Variants in SPG7 observed in about 807,000 individuals in gnomAD.
The protein encoded by SPG7 is SPG7 matrix AAA peptidase subunit, paraplegin, also known as mitochondrial inner membrane m-AAA protease component paraplegin.
In SPG7, 103 loss-of-function variants were observed where a neutral mutation model predicts 81.9. The observed-to-expected ratio is 1.26, with a 90% CI of 1.07 to 1.48. The LOEUF (loss-of-function observed/expected upper bound fraction) is 1.48, where lower values mean the gene tolerates loss of function less well. SPG7 is among the 40% of genes most tolerant of loss of function. The pLI is 0.00. For missense variants in SPG7, 1,241 were observed against 1,087.3 expected, an observed-to-expected ratio of 1.14 and a Z score of -1.99; for synonymous variants, 534 against 444.2, an observed-to-expected ratio of 1.20 and a Z score of -2.54.
chr16:89,554,775 G>C, intron 16 of SPG7: 1 of 575,062 alleles, frequency 1.7e-6, no homozygotes, highest in Non-Finnish European at 3.2e-6. Flanking sequence ...GTAGAAAGAA[G>C]GCTGCCACAG....
rs184578696 is a variant in SPG7 at position 89,513,533 on chromosome 16, A to T, written c.376+496A>T. The stretch of plus-strand genomic sequence containing the variant: ...CTCCATCTCAAAAAAAAAAAAATTT[A>T]AATTTAAATTTAAAAAGACCCTATC... On this transcript the variant is annotated intron_variant, in intron 3 of 16. Transcript: ENST00000645818. 1.4e-3 allele frequency among the ~76,000 whole-genome samples: 214 copies of T among 152,050 alleles called. 1 individual carries two copies. The highest frequency in any genetic ancestry group is 4.5e-3 in the African/African-American group (187 of 41,490).
chr16:89,525,401 A>G (rs539066836), intron 4 of SPG7, among the ~76,000 whole-genome samples: 1 of 152,356 alleles, frequency 6.6e-6, no homozygotes, highest in South Asian at 2.1e-4. Flanking sequence ...ATTTTAACCT[A>G]CAACACTATG....
intron 5 of SPG7, among the ~76,000 whole-genome samples, chr16:89,527,575 G>A (rs2058281303): frequency 6.6e-6 from 1 of 152,186 alleles, no homozygotes; most frequent in South Asian, 2.1e-4. Context: ...CTACAGACAG[G>A]AAAATGGAAC....
At chr16:89,509,248 G>C (rs968965060) in intron 1 of SPG7, among the ~76,000 whole-genome samples, 2 of 151,996 alleles carry the variant, frequency 1.3e-5, no homozygotes, top group Non-Finnish European at 2.9e-5. Context: ...ACACCTTTTA[G>C]GTTGTTGTTT....
chr16:89,540,676 G>C (rs1327302735), intron 9 of SPG7: 2 of 156,456 alleles, frequency 1.3e-5, no homozygotes, highest in African/African-American at 2.4e-5. Context: ...GCTGATGGGG[G>C]TGTGACGTGG....
rs1431301688 is a variant in SPG7 at position 89,526,427 on chromosome 16, C to T, written c.717C>T (p.Asp239=). The T allele has an allele frequency of 1.2e-6, 2 of 1,614,208 alleles. No homozygotes were observed. Among genetic ancestry groups the T allele is most frequent in the Middle Eastern group, 1.6e-4 (1 of 6,062 alleles). Residue 239 remains aspartate, a synonymous_variant, in exon 5 of 17, where the codon GAC becomes GAT. Coordinates refer to ENST00000645818, the MANE Select transcript of SPG7 (RefSeq NM_003119.4). ...ATGAGCTGAATATCGAGGCCAAGGA[C>T]AGGATCCCAGTTTCCTACAAGCGAA... ...AEDELNIEAK[D]RIPVSYKRTG...
chr16:89,557,002 C>A lies in SPG7; in HGVS notation c.2297C>A (p.Ala766Asp). 6.2e-7 allele frequency: 1 copy of A among 1,613,848 alleles called. No individual in the cohort carries two copies. The highest frequency in any genetic ancestry group is 1.3e-5 in the African/African-American group (1 of 75,044). ...ATCGCACCGCAGAGGTGGATCGACG[C>A]CCAGAGGGAGAAACAGGACTTGGGC... ...KMIAPQRWID[A>D]QREKQDLGEE... The change falls in exon 17 of 17, where the codon GCC becomes GAC. Residue 766 changes from alanine to aspartate, a missense_variant. Ala to Asp is a moderately radical substitution (Grantham distance 126). Transcript: ENST00000645818.
intron 4 of SPG7, among the ~76,000 whole-genome samples, chr16:89,525,379 G>T (rs974879144): frequency 2.0e-5 from 3 of 152,190 alleles, no homozygotes; most frequent in Non-Finnish European, 4.4e-5. Context: ...GATTATTTCA[G>T]TCTGGAAGGT....
intron 3 of SPG7, among the ~76,000 whole-genome samples, chr16:89,516,108 C>T (rs547586650): frequency 6.6e-6 from 1 of 152,212 alleles, no homozygotes; most frequent in Non-Finnish European, 1.5e-5. Context: ...CTGCCTCAAC[C>T]TCACGAATAG....
intron 7 of SPG7, chr16:89,531,295 A>T (rs1203492969): frequency 3.9e-6 from 1 of 255,774 alleles, no homozygotes; most frequent in Non-Finnish European, 7.7e-6. Flanking sequence ...GCGCTGAGGC[A>T]GGGGAGTGAC....
intron 9 of SPG7, chr16:89,544,171 C>T (rs1404821679): frequency 3.9e-6 from 1 of 255,558 alleles, no homozygotes. Flanking sequence ...CGTTTCTGGA[C>T]TCACTTTTAA....
intron 11 of SPG7, 192 bp from the exon 12 acceptor site, chr16:89,547,811 C>T (rs2058583053): frequency 3.4e-6 from 2 of 595,592 alleles, no homozygotes; most frequent in Middle Eastern, 2.9e-4. Context: ...TAGGGTTTCA[C>T]CCTGTTGGCC....
intron 13 of SPG7, 21 bp from the exon 14 acceptor site, chr16:89,552,958 G>A (rs771189589): frequency 6.2e-7 from 1 of 1,612,910 alleles, no homozygotes; most frequent in Non-Finnish European, 8.5e-7. Context: ...ACTGACCTGG[G>A]TCATCTTGAC....
chr16:89,553,976 C>A lies in SPG7; in HGVS notation c.2103+16C>A. On this transcript the variant is annotated intron_variant, in intron 15 of 16. Transcript: ENST00000645818. ...GATGGACCATGTGAGTCGGCTCTGG[C>A]CACACCGCTGCCCTCTGTGCTCCCC... 6.2e-7 allele frequency: 1 copy of A among 1,609,038 alleles called. No individual in the cohort carries two copies. Among genetic ancestry groups the A allele is most frequent in the Non-Finnish European group, 8.5e-7 (1 of 1,179,746 alleles).
intron 9 of SPG7, chr16:89,540,953 C>T (rs1480411035): frequency 2.0e-6 from 2 of 985,350 alleles, no homozygotes; most frequent in East Asian, 1.1e-4. Flanking sequence ...GTGTTCTACG[C>T]AGAAATAGAA....
At chr16:89,537,808 G>T in intron 9 of SPG7, 1 of 984,206 alleles carries the variant, frequency 1.0e-6, no homozygotes, top group Non-Finnish European at 1.2e-6. Context: ...TGGGGTCCTG[G>T]TCCTGGTCCC....
rs79201073 is a variant in SPG7 at position 89,544,791 on chromosome 16, G to A, written c.1449+19G>A. 0.07 allele frequency: 112,369 copies of A among 1,613,508 alleles called. 6,018 individuals carry two copies. Among genetic ancestry groups the A allele is most frequent in the East Asian group, 0.31 (13,759 of 44,850 alleles). ...GCTGCAGGTCAGAGCCAGGATCCCA[G>A]CCTCTCCCACTCCACCTGGGCCGCC... On this transcript the variant is annotated intron_variant, in intron 10 of 16. Transcript: ENST00000645818.
rs963619629 is a variant in SPG7 at position 89,550,086 on chromosome 16, G to C, written c.1664-408G>C. On this transcript the variant is annotated intron_variant, in intron 12 of 16. Coordinates refer to ENST00000645818, the MANE Select transcript of SPG7 (RefSeq NM_003119.4). ...AGCTGCAGCTCCAAGAGGCAGATGTGCAGAGAGAGGCTTGCTTTGACCACA... is the reference window on the plus strand; with the variant it reads ...AGCTGCAGCTCCAAGAGGCAGATGTCCAGAGAGAGGCTTGCTTTGACCACA... The C allele has an allele frequency of 6.3e-5, 20 of 316,284 alleles. No homozygotes were observed. The Admixed American group carries it at 8.6e-4, about 14-fold the overall frequency. The allele number at this position is 316,284 out of a possible 1,614,324, so 19.6% of individuals were successfully genotyped here. A position where few individuals can be genotyped will look rare whatever the true frequency, so the allele number is the denominator to read the frequency against.
intron 4 of SPG7, among the ~76,000 whole-genome samples, chr16:89,524,941 C>CCTTTT (rs2058241088): frequency 6.7e-6 from 1 of 149,870 alleles, no homozygotes; most frequent in Non-Finnish European, 1.5e-5. Flanking sequence ...AATGCTTTTT[C>CCTTTT]CTTTTCTTTT....
Sources: gnomAD v4.1 joint callset for allele counts (sites outside exome capture counted in the v4.1 genomes callset) on GRCh38, gnomAD v4.1.1 for gene constraint, MANE v1.5 for transcripts, NCBI Gene and HGNC (gene_info 2026-07-23, HGNC 2026-07-21) for gene names.